NR3C1: variants seen among roughly 807,000 people sequenced by gnomAD.
NR3C1 encodes glucocorticoid receptor.
A neutral mutation model predicts 74.0 loss-of-function variants in NR3C1; 14 were observed. The ratio of observed to expected loss-of-function variants is 0.19; its 90% CI spans 0.12 to 0.30. The LOEUF (loss-of-function observed/expected upper bound fraction) is 0.30, where lower values mean the gene tolerates loss of function less well. NR3C1 is among the 10% of genes least tolerant of loss of function. The probability of loss-of-function intolerance (pLI) is 1.00; values close to 1 mark genes in which losing one functional copy is unlikely to be tolerated. For synonymous variants in NR3C1, 308 were observed against 332.5 expected (o/e 0.93, Z 0.80); for missense variants, 695 against 909.8 (o/e 0.76, Z 3.04).
At chr5:143,404,348 G>C (rs1223822010), upstream of NR3C1, 13 of 985,286 alleles carry the variant, frequency 1.3e-5, no homozygotes, top group Admixed American at 6.1e-5. Context: ...GGGAAGGGAC[G>C]GGATAGCGGG....
rs1020545590 is a variant in NR3C1, at chr5:143,278,178, CTTTTAT to C, written c.*3705_*3710del. The C allele has an allele frequency of 5.9e-5, 9 of 152,060 alleles. No homozygotes were observed. The highest frequency in any genetic ancestry group is 2.2e-4 in the African/African-American group (9 of 41,468). 9.4% of individuals were successfully genotyped at this position (152,060 alleles called of 1,614,324 possible). A position where few individuals can be genotyped will look rare whatever the true frequency, so the allele number is the denominator to read the frequency against. ...ATTCAGCATGAATAAAAAACTACAA[CTTTTAT>C]TTTTAAACAGGAGTCACTGGTTTTA... On this transcript the variant is annotated 3_prime_UTR_variant, in exon 9 of 9. Coordinates refer to ENST00000394464, the MANE Select transcript of NR3C1 (RefSeq NM_000176.3).
chr5:143,362,956 A>T (rs1488192685), intron 2 of NR3C1, among the ~76,000 whole-genome samples: 1 of 152,170 alleles, frequency 6.6e-6, no homozygotes, highest in Admixed American at 6.5e-5. Context: ...CACATGCATG[A>T]GTAGGGCTGT....
Position 143,403,227 on chromosome 5 carries a change from G to T in NR3C1, c.-30C>A, listed in dbSNP as rs1840689122. Reference sequence around the variant, plus strand: ...GCTTCTTACCTCTGGCAGAGGAGCCGCTCGCCCGCCACCGTCCGCAGTTCC... The same window carrying T: ...GCTTCTTACCTCTGGCAGAGGAGCCTCTCGCCCGCCACCGTCCGCAGTTCC... On this transcript the variant is annotated 5_prime_UTR_variant, in exon 1 of 9. Coordinates refer to ENST00000394464, the MANE Select transcript of NR3C1 (RefSeq NM_000176.3). The T allele has an allele frequency of 1.0e-6, 1 of 985,368 alleles. No homozygotes were observed. The highest frequency in any genetic ancestry group is 1.1e-4 in the East Asian group (1 of 8,784). The allele number at this position is 985,368 out of a possible 1,614,324, so 61.0% of individuals were successfully genotyped here.
At chr5:143,346,609 G>A (rs1181053626) in intron 2 of NR3C1, among the ~76,000 whole-genome samples, 2 of 152,188 alleles carry the variant, frequency 1.3e-5, no homozygotes, top group South Asian at 2.1e-4. Flanking sequence ...GGTTGACGTC[G>A]TGATTACAAG....
intron 4 of NR3C1, among the ~76,000 whole-genome samples, chr5:143,305,801 G>A (rs1819474069): frequency 6.6e-6 from 1 of 152,184 alleles, no homozygotes; most frequent in African/African-American, 2.4e-5. Flanking sequence ...CTTCCTAGAT[G>A]AAAGGTTCAA....
intron 2 of NR3C1, among the ~76,000 whole-genome samples, chr5:143,352,229 A>G (rs1830361014): frequency 6.6e-6 from 1 of 152,166 alleles, no homozygotes; most frequent in African/African-American, 2.4e-5. Context: ...TTGGTACTAC[A>G]TTGTAATATG....
intron 1 of NR3C1, among the ~76,000 whole-genome samples, chr5:143,424,829 T>A (rs1751446366): frequency 6.6e-6 from 1 of 152,170 alleles, no homozygotes; most frequent in Admixed American, 6.5e-5. Flanking sequence ...AAGCACCTAC[T>A]ACATACCAAG....
At chr5:143,402,954 C>CG in intron 1 of NR3C1, 1 of 742,094 alleles carries the variant, frequency 1.3e-6, no homozygotes, top group South Asian at 6.0e-5. Flanking sequence ...GACAGGGCTC[C>CG]GCTCGCCGTC....
At chr5:143,360,079 T>C (rs1831943425) in intron 2 of NR3C1, among the ~76,000 whole-genome samples, 1 of 152,246 alleles carries the variant, frequency 6.6e-6, no homozygotes. Flanking sequence ...ATTTGTGGTT[T>C]GTTTACTCTG....
In NR3C1 at chr5:143,392,122, T is replaced by C. The variant is rs546755777; in HGVS notation, c.1184+7534A>G. On this transcript the variant is annotated intron_variant, in intron 2 of 8. Transcript: ENST00000394464. ...CTGGGACTACAGGCACCAGCCACCA[T>C]GCCCGGCTAATTTTCTGTATTTTTA... 4.3e-3 allele frequency among the ~76,000 whole-genome samples: 656 copies of C among 152,158 alleles called. 2 individuals carry two copies. The highest frequency in any genetic ancestry group is 0.015 in the African/African-American group (628 of 41,496).
chr5:143,296,057 T>C (rs925115386), intron 6 of NR3C1, among the ~76,000 whole-genome samples: 6 of 152,198 alleles, frequency 3.9e-5, no homozygotes, highest in African/African-American at 7.2e-5. Context: ...GGGCGAGACC[T>C]AGAACTTGAT....
intron 2 of NR3C1, among the ~76,000 whole-genome samples, chr5:143,350,775 T>C (rs530705919): frequency 1.3e-5 from 2 of 152,288 alleles, no homozygotes; most frequent in Non-Finnish European, 2.9e-5. Context: ...AAGAAGAACT[T>C]GCCAAGAGGC....
At chr5:143,318,383 T>A (rs150267788) in intron 2 of NR3C1, among the ~76,000 whole-genome samples, 30 of 152,308 alleles carry the variant, frequency 2.0e-4, no homozygotes, top group Non-Finnish European at 1.8e-4. Context: ...TTGAAATATG[T>A]CAGTCTATCT....
chr5:143,311,157 G>C (rs1561535931), intron 3 of NR3C1, among the ~76,000 whole-genome samples: 2 of 151,930 alleles, frequency 1.3e-5, no homozygotes, highest in African/African-American at 4.8e-5. Context: ...TTCTTTACTT[G>C]GACAGAAAAT....
Position 143,403,356 on chromosome 5 carries a change from C to G in NR3C1, c.-159G>C. 1 of 985,458 alleles carries G rather than the reference C, an allele frequency of 1.0e-6. No individual in the cohort carries two copies. Among genetic ancestry groups the G allele is most frequent in the Non-Finnish European group, 1.2e-6 (1 of 829,964 alleles). The allele number at this position is 985,458 out of a possible 1,614,324, so 61.0% of individuals were successfully genotyped here. On this transcript the variant is annotated 5_prime_UTR_variant, in exon 1 of 9. Coordinates refer to ENST00000394464, the MANE Select transcript of NR3C1 (RefSeq NM_000176.3). The stretch of plus-strand genomic sequence containing the variant: ...AGGAAGTAAACAGCCGCCCCTTTCT[C>G]CATGGGTGGGGGGAGAGCCCCTATT...
chr5:143,319,257 C>T (rs1325683788), intron 2 of NR3C1, among the ~76,000 whole-genome samples: 1 of 152,130 alleles, frequency 6.6e-6, no homozygotes, highest in Non-Finnish European at 1.5e-5. Flanking sequence ...CAAAAGGATA[C>T]AGTATCGCTT....
chr5:143,379,174 G>A (rs1323476819), intron 2 of NR3C1, among the ~76,000 whole-genome samples: 1 of 152,108 alleles, frequency 6.6e-6, no homozygotes, highest in Non-Finnish European at 1.5e-5. Context: ...TTAATTCAAG[G>A]AAGACACTGA....
chr5:143,404,301 G>A (rs1840899822), upstream of NR3C1: 23 of 985,682 alleles, frequency 2.3e-5, no homozygotes, highest in Non-Finnish European at 2.8e-5. Flanking sequence ...CCGCGCTCGG[G>A]GCCGGGCGGC....
At chr5:143,283,219 C>T (rs1813523570) in intron 7 of NR3C1, among the ~76,000 whole-genome samples, 1 of 152,188 alleles carries the variant, frequency 6.6e-6, no homozygotes, top group Non-Finnish European at 1.5e-5. Flanking sequence ...GGGCATTTAA[C>T]ATTGTTTATG....
Sources: allele counts gnomAD v4.1 joint callset (sites outside exome capture counted in the v4.1 genomes callset), GRCh38; gene constraint gnomAD v4.1.1; transcripts MANE v1.5; gene names NCBI Gene and HGNC (gene_info 2026-07-23, HGNC 2026-07-21).